Variants in SNTG1 observed in about 807,000 individuals in gnomAD.
SNTG1 encodes the protein syntrophin gamma 1, also known as gamma-1-syntrophin.
Under a neutral mutation model 74.7 loss-of-function variants are expected in SNTG1, and 39 were observed. The ratio of observed to expected loss-of-function variants is 0.52; its 90% CI spans 0.40 to 0.68. SNTG1 has a LOEUF of 0.68. Ranked by LOEUF, SNTG1 falls within the 30% of genes least tolerant of loss-of-function variation. The pLI is 0.00. For synonymous variants in SNTG1, 254 were observed against 217.1 expected (o/e 1.17, Z -1.49); for missense variants, 685 against 609.5 (o/e 1.12, Z -1.30).
intron 1 of SNTG1, among the ~76,000 whole-genome samples, chr8:49,961,903 G>A (rs1253745372): frequency 6.6e-6 from 1 of 152,174 alleles, no homozygotes; most frequent in African/African-American, 2.4e-5. Context: ...GTCCATCCAA[G>A]TATAGAAAAA....
intron 4 of SNTG1, among the ~76,000 whole-genome samples, chr8:50,433,093 A>C (rs887497315): frequency 2.0e-5 from 3 of 152,148 alleles, no homozygotes; most frequent in African/African-American, 7.2e-5. Flanking sequence ...CCAGGCCACA[A>C]AATATTTCCC....
At chr8:50,065,028 T>C (rs554806822) in intron 1 of SNTG1, among the ~76,000 whole-genome samples, 6 of 152,294 alleles carry the variant, frequency 3.9e-5, no homozygotes, top group African/African-American at 1.4e-4. Context: ...TCAGTAAATG[T>C]AGAAGAAAAA....
chr8:50,482,361 T>G lies in SNTG1; in HGVS notation c.364-20417T>G, dbSNP rs576415481. ...GGGGCTTCCTTTCTAATCCTCCATA[T>G]GGGCAGGAAGCCCAGCTTCCCCGTC... On this transcript the variant is annotated intron_variant, in intron 8 of 18. Coordinates refer to ENST00000642720, the MANE Select transcript of SNTG1 (RefSeq NM_018967.5). 5.9e-5 allele frequency among the ~76,000 whole-genome samples: 9 copies of G among 152,310 alleles called. No homozygotes were observed. The South Asian group carries it at 1.7e-3, about 28-fold the overall frequency.
chr8:50,433,037 G>A (rs536714877), intron 4 of SNTG1, among the ~76,000 whole-genome samples: 1 of 152,194 alleles, frequency 6.6e-6, no homozygotes, highest in Non-Finnish European at 1.5e-5. Flanking sequence ...TGATCCACCT[G>A]CCTCGGCCTC....
At chr8:50,730,296 A>T (rs1395824799) in intron 17 of SNTG1, among the ~76,000 whole-genome samples, 1 of 152,206 alleles carries the variant, frequency 6.6e-6, no homozygotes, top group Non-Finnish European at 1.5e-5. Context: ...CGAGGGGATG[A>T]AGGCATTAAT....
intron 17 of SNTG1, among the ~76,000 whole-genome samples, chr8:50,742,854 A>C (rs2131668828): frequency 6.6e-6 from 1 of 152,024 alleles, no homozygotes; most frequent in East Asian, 1.9e-4. Flanking sequence ...CATTTTGATA[A>C]TATTGTAAAA....
chr8:50,375,562 A>G (rs10101969), intron 2 of SNTG1, among the ~76,000 whole-genome samples: 2,762 of 152,262 alleles, frequency 0.018, 78 homozygotes, highest in African/African-American at 0.064. Context: ...AGGCTGAATC[A>G]CTTAAAAAAC....
At chr8:50,376,555 A>G (rs180936670) in intron 2 of SNTG1, among the ~76,000 whole-genome samples, 1 of 152,008 alleles carries the variant, frequency 6.6e-6, no homozygotes, top group East Asian at 1.9e-4. Context: ...AACCCAGCCA[A>G]TGGTGAAGCC....
intron 18 of SNTG1, 53 bp downstream of exon 18, chr8:50,752,164 A>G: frequency 5.2e-6 from 5 of 958,240 alleles, no homozygotes; most frequent in Non-Finnish European, 7.4e-6. Context: ...AATGCCATTA[A>G]GGAACAAAGA....
chr8:50,098,333 G>T (rs765449370), intron 1 of SNTG1, among the ~76,000 whole-genome samples: 2 of 152,042 alleles, frequency 1.3e-5, no homozygotes, highest in African/African-American at 4.8e-5. Context: ...CCTTTGTATC[G>T]CTAGGTTACT....
intron 2 of SNTG1, among the ~76,000 whole-genome samples, chr8:50,253,216 G>A (rs1416596798): frequency 6.6e-6 from 1 of 152,048 alleles, no homozygotes. Flanking sequence ...CTGAGGCCAG[G>A]AGTTCAAGAC....
intron 1 of SNTG1, among the ~76,000 whole-genome samples, chr8:50,150,301 G>A (rs1227887002): frequency 5.3e-5 from 8 of 152,182 alleles, no homozygotes; most frequent in South Asian, 2.1e-4. Context: ...GGGCTGAGAC[G>A]GTGGGGTTTT....
intron 1 of SNTG1, among the ~76,000 whole-genome samples, chr8:49,925,069 C>T (rs997938459): frequency 6.6e-6 from 1 of 152,004 alleles, no homozygotes; most frequent in African/African-American, 2.4e-5. Flanking sequence ...AGGAGAATTG[C>T]TTGAGCCCAG....
At chr8:50,220,765 G>T (rs1027504594) in intron 2 of SNTG1, among the ~76,000 whole-genome samples, 3 of 152,186 alleles carry the variant, frequency 2.0e-5, no homozygotes, top group Non-Finnish European at 4.4e-5. Context: ...ACATGCAGTA[G>T]TGCTTTTCCT....
intron 17 of SNTG1, among the ~76,000 whole-genome samples, chr8:50,744,924 G>C (rs978754011): frequency 1.3e-5 from 2 of 152,000 alleles, no homozygotes; most frequent in Non-Finnish European, 2.9e-5. Context: ...AGACCTAACT[G>C]TAAGAGTTAA....
chr8:50,778,351 C>T (rs1454179097), intron 18 of SNTG1, among the ~76,000 whole-genome samples: 2 of 152,152 alleles, frequency 1.3e-5, no homozygotes, highest in Non-Finnish European at 2.9e-5. Context: ...CCTCCACATC[C>T]TCTCCAGGAC....
intron 13 of SNTG1, among the ~76,000 whole-genome samples, chr8:50,620,296 T>A (rs1336682881): frequency 6.6e-6 from 1 of 152,176 alleles, no homozygotes; most frequent in Non-Finnish European, 1.5e-5. Flanking sequence ...TCTCTGCTCA[T>A]TTTTCTGTCA....
At position 50,070,923 on chromosome 8, in the gene SNTG1, T is replaced by G. The variant is rs550488761; in HGVS notation, c.-102-101638T>G. ...GGCTGAGCCCTTCTCGTCTCCTTCT[T>G]CATGGAGGGTCGGACTTGCCACAGT... On this transcript the variant is annotated intron_variant, in intron 1 of 18. Transcript: ENST00000642720. 6.6e-5 allele frequency among the ~76,000 whole-genome samples: 10 copies of G among 152,314 alleles called. No homozygotes were observed. In the East Asian group the frequency reaches 1.5e-3, roughly 24 times the overall value.
chr8:50,429,948 T>C (rs951952451), intron 4 of SNTG1, among the ~76,000 whole-genome samples: 1 of 152,126 alleles, frequency 6.6e-6, no homozygotes, highest in Non-Finnish European at 1.5e-5. Flanking sequence ...ATCACAAAGA[T>C]AGATAATAAG....
Sources: gnomAD v4.1 joint callset for allele counts (sites outside exome capture counted in the v4.1 genomes callset) on GRCh38, gnomAD v4.1.1 for gene constraint, MANE v1.5 for transcripts, NCBI Gene and HGNC (gene_info 2026-07-23, HGNC 2026-07-21) for gene names.